The following ABCC4 variants were observed in gnomAD, a reference collection of about 807,000 sequenced individuals.
The protein encoded by ABCC4 is ATP-binding cassette sub-family C member 4.
ABCC4 carries 102 observed loss-of-function variants against 168.5 expected under a neutral mutation model. The observed-to-expected ratio is 0.61, with a 90% confidence interval of 0.52 to 0.71. The LOEUF is 0.71. ABCC4 is among the 30% of genes least tolerant of loss of function. ABCC4 has a pLI of 0.00. For missense variants in ABCC4, 1,402 were observed against 1,605.8 expected, an observed-to-expected ratio of 0.87 and a Z score of 2.17; for synonymous variants, 617 against 590.7, an observed-to-expected ratio of 1.04 and a Z score of -0.65.
chr13:95,064,500 CGTGTATGT>C (rs889320520), intron 25 of ABCC4, among the ~76,000 whole-genome samples: 3 of 82,992 alleles, frequency 3.6e-5, no homozygotes, highest in African/African-American at 8.9e-5. Context: ...CACACACACA[CGTGTATGT>C]GTGTATGTGT....
rs957738649 is a variant in ABCC4 at position 95,291,923 on chromosome 13, G to A, written c.74+9318C>T. ...ATCATACCACTGCACGCCAGCCTGG[G>A]CAACACAGTGAAACTCCATTTAAAG... On this transcript the variant is annotated intron_variant, in intron 1 of 30. Coordinates refer to ENST00000645237, the MANE Select transcript of ABCC4 (RefSeq NM_005845.5). 4.6e-5 allele frequency among the ~76,000 whole-genome samples: 7 copies of A among 151,558 alleles called. No homozygotes were observed. The South Asian group carries it at 1.3e-3, about 27-fold the overall frequency.
At position 95,244,238 on chromosome 13, in the gene ABCC4, T is replaced by A. The variant is rs187964273; in HGVS notation, c.306+2737A>T. On this transcript the variant is annotated intron_variant, in intron 3 of 30. Transcript: ENST00000645237. Reference sequence around the variant, plus strand: ...TGGGCTCTGTCATTTACACTTTGTGTGGCCCTAGGCACATTATATAACTAC... The same window carrying A: ...TGGGCTCTGTCATTTACACTTTGTGAGGCCCTAGGCACATTATATAACTAC... Among the ~76,000 whole-genome samples, 51 of 152,214 alleles carry A rather than the reference T, an allele frequency of 3.4e-4. No homozygotes were observed. In the East Asian group the frequency reaches 8.5e-3, roughly 25 times the overall value.
At chr13:95,072,799 G>C (rs1033064279) in intron 24 of ABCC4, among the ~76,000 whole-genome samples, 1 of 152,186 alleles carries the variant, frequency 6.6e-6, no homozygotes, top group African/African-American at 2.4e-5. Context: ...AGAACTGGGA[G>C]AGGAGGAGAC....
intron 20 of ABCC4, among the ~76,000 whole-genome samples, chr13:95,089,484 C>T (rs986328189): frequency 1.3e-5 from 2 of 151,864 alleles, no homozygotes; most frequent in Non-Finnish European, 2.9e-5. Flanking sequence ...TAGGCGTGGT[C>T]ACGGGCACCT....
intron 4 of ABCC4, among the ~76,000 whole-genome samples, chr13:95,225,531 G>A (rs1184184032): frequency 6.6e-6 from 1 of 152,050 alleles, no homozygotes; most frequent in Non-Finnish European, 1.5e-5. Context: ...TTAGTCGGGT[G>A]CAGTGGCATG....
intron 21 of ABCC4, among the ~76,000 whole-genome samples, chr13:95,078,281 G>A (rs963837536): frequency 3.3e-5 from 5 of 151,940 alleles, no homozygotes; most frequent in South Asian, 2.1e-4. Context: ...GTGTGGTGGC[G>A]GGCGCCTGTA....
chr13:95,246,509 T>C (rs1218978384), intron 3 of ABCC4, among the ~76,000 whole-genome samples: 4 of 152,232 alleles, frequency 2.6e-5, no homozygotes, highest in Admixed American at 6.5e-5. Context: ...AGATTTGGCT[T>C]GGTGAACAAT....
intron 13 of ABCC4, among the ~76,000 whole-genome samples, chr13:95,171,561 G>GA (rs1480345793): frequency 2.9e-3 from 333 of 116,358 alleles, no homozygotes; most frequent in African/African-American, 9.1e-3. Context: ...GTCTCAAAAA[G>GA]AAAAAAAGGA....
intron 20 of ABCC4, among the ~76,000 whole-genome samples, chr13:95,111,687 A>C (rs935547588): frequency 1.3e-5 from 2 of 152,218 alleles, no homozygotes; most frequent in African/African-American, 4.8e-5. Context: ...ACTATATAAA[A>C]ACAAATGAAA....
rs907882577 is a variant in ABCC4, at chr13:95,224,745, A to C, written c.531+9865T>G. On this transcript the variant is annotated intron_variant, in intron 4 of 30. Coordinates refer to ENST00000645237, the MANE Select transcript of ABCC4 (RefSeq NM_005845.5). ...GAGTGAGACTCTGTCTCAAAAAAAAAAAGAAAATAAAGAAATGCTAATAGA... is the reference window on the plus strand; with the variant it reads ...GAGTGAGACTCTGTCTCAAAAAAAACAAGAAAATAAAGAAATGCTAATAGA... Among the ~76,000 whole-genome samples, 3 of 152,288 alleles carry C rather than the reference A, an allele frequency of 2.0e-5. No homozygotes were observed. In the South Asian group the frequency reaches 6.2e-4, roughly 32 times the overall value.
At chr13:95,168,500 A>G (rs143200792) in intron 14 of ABCC4, among the ~76,000 whole-genome samples, 86 of 152,366 alleles carry the variant, frequency 5.6e-4, no homozygotes, top group African/African-American at 1.9e-3. Flanking sequence ...CTATCATTAT[A>G]TACCCCGTTT....
rs750244546 is a variant in ABCC4, at chr13:95,209,466, T to A, written c.753A>T (p.Gln251His). ...ATGAGAACAACTTCCCAAAACAGCT[T>A]TGCAAGGGCAGGAGAATGATTAGAA... ...MAVLIILLPL[Q>H]SCFGKLFSSL... The change falls in exon 6 of 31, where the codon CAA becomes CAT. Residue 251 changes from glutamine to histidine, a missense_variant. Physicochemically the swap from Gln to His is conservative, Grantham distance 24. Coordinates refer to ENST00000645237, the MANE Select transcript of ABCC4 (RefSeq NM_005845.5). 6.2e-7 allele frequency: 1 copy of A among 1,614,188 alleles called. No homozygotes were observed. Among genetic ancestry groups the A allele is most frequent in the East Asian group, 2.2e-5 (1 of 44,890 alleles).
At chr13:95,108,863 C>T (rs2035101792) in intron 20 of ABCC4, among the ~76,000 whole-genome samples, 1 of 152,092 alleles carries the variant, frequency 6.6e-6, no homozygotes, top group African/African-American at 2.4e-5. Context: ...CTCCTCCATA[C>T]AATGTGCCCC....
chr13:95,021,731 G>C, intron 30 of ABCC4, 49 bp from the exon 31 acceptor site: 1 of 1,337,446 alleles, frequency 7.5e-7, no homozygotes, highest in African/African-American at 1.5e-5. Context: ...AAATTTTAAA[G>C]TCTCCTCCCT....
At chr13:95,150,117 G>A (rs2036625254) in intron 19 of ABCC4, among the ~76,000 whole-genome samples, 1 of 152,084 alleles carries the variant, frequency 6.6e-6, no homozygotes, top group Non-Finnish European at 1.5e-5. Context: ...GGTACTATAG[G>A]CACACACCAC....
At chr13:95,238,195 G>GAAAAAAA (rs10644641) in intron 3 of ABCC4, among the ~76,000 whole-genome samples, 58 of 65,468 alleles carry the variant, frequency 8.9e-4, no homozygotes, top group East Asian at 1.5e-3. Flanking sequence ...CTCCATCTCA[G>GAAAAAAA]AAAAAAAAAA....
At chr13:95,107,973 C>T (rs1008715127) in intron 20 of ABCC4, among the ~76,000 whole-genome samples, 1 of 152,030 alleles carries the variant, frequency 6.6e-6, no homozygotes, top group African/African-American at 2.4e-5. Context: ...AATCTAGTGT[C>T]CTCTCTCTCC....
chr13:95,290,975 G>A (rs2041388071), intron 1 of ABCC4, among the ~76,000 whole-genome samples: 1 of 89,858 alleles, frequency 1.1e-5, no homozygotes, highest in Middle Eastern at 0.012. Context: ...TTCGGCCTGG[G>A]CGACAGAGCA....
intron 10 of ABCC4, among the ~76,000 whole-genome samples, chr13:95,188,011 C>A (rs985523821): frequency 6.6e-6 from 1 of 152,180 alleles, no homozygotes; most frequent in South Asian, 2.1e-4. Context: ...GGACTATACA[C>A]CTGGCTACAG....
Sources: allele counts gnomAD v4.1 joint callset (sites outside exome capture counted in the v4.1 genomes callset), GRCh38; gene constraint gnomAD v4.1.1; transcripts MANE v1.5; gene names NCBI Gene and HGNC (gene_info 2026-07-23, HGNC 2026-07-21).